Variants in ZNF322 observed in about 807,000 individuals in gnomAD.
ZNF322 encodes the protein zinc finger protein 322, also known as HLA complex group 12.
Under a neutral mutation model 18.3 loss-of-function variants are expected in ZNF322, and 1 was observed. The ratio of observed to expected loss-of-function variants is 0.05; its 90% CI spans 0.02 to 0.26. ZNF322 has a LOEUF of 0.26. Among genes scored for constraint, ZNF322 ranks in the 10% least tolerant of loss-of-function variants. ZNF322 has a pLI of 1.00. For synonymous variants in ZNF322, 17 were observed against 130.7 expected (o/e 0.13, Z 5.93); for missense variants, 36 against 403.6 (o/e 0.09, Z 7.80).
At chr6:26,649,191 T>C (rs1306879318) in intron 2 of ZNF322, among the ~76,000 whole-genome samples, 5 of 152,148 alleles carry the variant, frequency 3.3e-5, no homozygotes, top group Non-Finnish European at 7.3e-5. Flanking sequence ...AAAGACAGAC[T>C]ATGAAGGGTA....
chr6:26,643,405 C>G (rs1765498930), intron 3 of ZNF322, among the ~76,000 whole-genome samples: 1 of 152,180 alleles, frequency 6.6e-6, no homozygotes, highest in Non-Finnish European at 1.5e-5. Flanking sequence ...TCACTTTATT[C>G]AGTTTATTGT....
intron 2 of ZNF322, among the ~76,000 whole-genome samples, chr6:26,655,389 G>A (rs76478402): frequency 0.039 from 5,881 of 152,198 alleles, 129 homozygotes; most frequent in Non-Finnish European, 0.058. Flanking sequence ...GAATATTTAG[G>A]ACAGGCTTTC....
At chr6:26,657,386 C>T (rs1278527346) in intron 2 of ZNF322, among the ~76,000 whole-genome samples, 1 of 152,150 alleles carries the variant, frequency 6.6e-6, no homozygotes. Context: ...AGGCCATCTC[C>T]GAGCTTTTGC....
rs1287203908 is a variant in ZNF322 at position 26,634,709 on chromosome 6, G to C, written c.*2636C>G. On this transcript the variant is annotated 3_prime_UTR_variant, in exon 4 of 4. Transcript: ENST00000415922. ...TTCATACCCCCATAGTTCTCTGTTT[G>C]GGGGATGGTCCATCATTAATTTACT... is the stretch of plus-strand genomic sequence containing the variant. The C allele has an allele frequency of 3.4e-5, 2 of 59,384 alleles. No individual in the cohort carries two copies. Among genetic ancestry groups the C allele is most frequent in the Non-Finnish European group, 6.8e-5 (2 of 29,582 alleles). 3.7% of individuals were successfully genotyped at this position (59,384 alleles called of 1,614,324 possible).
chr6:26,653,244 G>A (rs570093721), intron 2 of ZNF322, among the ~76,000 whole-genome samples: 1 of 152,170 alleles, frequency 6.6e-6, no homozygotes, highest in Non-Finnish European at 1.5e-5. Flanking sequence ...ACACTGTAAG[G>A]AAACAAACAA....
chr6:26,655,606 G>A (rs1184581102), intron 2 of ZNF322, among the ~76,000 whole-genome samples: 3 of 152,198 alleles, frequency 2.0e-5, no homozygotes, highest in Non-Finnish European at 4.4e-5. Flanking sequence ...ATGTATATGT[G>A]TATTGCTATG....
chr6:26,639,729 C>G (rs1379688152), intron 3 of ZNF322, among the ~76,000 whole-genome samples: 1 of 152,118 alleles, frequency 6.6e-6, no homozygotes, highest in Non-Finnish European at 1.5e-5. Context: ...ATGTTTGACC[C>G]TCCCTCATAC....
At chr6:26,649,675 G>GTA (rs71544293) in intron 2 of ZNF322, among the ~76,000 whole-genome samples, 47 of 22,944 alleles carry the variant, frequency 2.0e-3, no homozygotes, top group African/African-American at 7.8e-3. Context: ...GTGTGTGTGT[G>GTA]TATATATATA....
chr6:26,640,149 C>T (rs781868816), intron 3 of ZNF322, among the ~76,000 whole-genome samples: 12 of 152,178 alleles, frequency 7.9e-5, no homozygotes, highest in Non-Finnish European at 1.8e-4. Context: ...GGCTGTTGTC[C>T]CATTTCTCTG....
At chr6:26,649,320 T>C (rs371074035) in intron 2 of ZNF322, among the ~76,000 whole-genome samples, 1 of 140,816 alleles carries the variant, frequency 7.1e-6, no homozygotes, top group Non-Finnish European at 1.6e-5. Flanking sequence ...TAAACACATA[T>C]AGAAATTTAG....
chr6:26,652,600 G>A (rs1178968644), intron 2 of ZNF322, among the ~76,000 whole-genome samples: 1 of 152,034 alleles, frequency 6.6e-6, no homozygotes, highest in Non-Finnish European at 1.5e-5. Context: ...TGAAGAAGGA[G>A]AATCACTTGA....
intron 2 of ZNF322, among the ~76,000 whole-genome samples, chr6:26,650,924 T>C (rs75177596): frequency 6.6e-6 from 1 of 152,172 alleles, no homozygotes; most frequent in East Asian, 1.9e-4. Context: ...GACATACTGA[T>C]ACAAAGTTTA....
At chr6:26,654,261 C>T (rs1302932628) in intron 2 of ZNF322, among the ~76,000 whole-genome samples, 32 of 151,932 alleles carry the variant, frequency 2.1e-4, no homozygotes, top group Admixed American at 2.0e-3. Context: ...AATAAAGAAA[C>T]GTATATATGT....
At chr6:26,653,080 C>T (rs1197294854) in intron 2 of ZNF322, among the ~76,000 whole-genome samples, 1 of 152,106 alleles carries the variant, frequency 6.6e-6, no homozygotes, top group East Asian at 1.9e-4. Context: ...GTTGTCGACA[C>T]TGTAAGGAAA....
intron 2 of ZNF322, among the ~76,000 whole-genome samples, chr6:26,645,280 C>T (rs1765536526): frequency 6.6e-6 from 1 of 152,164 alleles, no homozygotes; most frequent in Non-Finnish European, 1.5e-5. Flanking sequence ...CTATACAAAG[C>T]CCACACTGTC....
chr6:26,659,414 C>T (rs2498351), intron 1 of ZNF322, 27 bp downstream of exon 1: 74,371 of 167,216 alleles, frequency 0.44, 17,027 homozygotes, highest in East Asian at 0.67. Flanking sequence ...ACCCATCCCA[C>T]CCCTGGGCCC....
intron 3 of ZNF322, among the ~76,000 whole-genome samples, chr6:26,642,975 CTGT>C (rs1236911050): frequency 1.3e-5 from 2 of 152,232 alleles, no homozygotes; most frequent in Non-Finnish European, 2.9e-5. Flanking sequence ...TCACCAGCTT[CTGT>C]TGTTACATTC....
intron 3 of ZNF322, among the ~76,000 whole-genome samples, chr6:26,640,023 C>T (rs1369902139): frequency 6.6e-6 from 1 of 152,020 alleles, no homozygotes; most frequent in Non-Finnish European, 1.5e-5. Context: ...CAATTCCACC[C>T]TCCCTCTCCT....
chr6:26,657,638 T>C (rs1258600593), intron 2 of ZNF322, among the ~76,000 whole-genome samples: 2 of 152,164 alleles, frequency 1.3e-5, no homozygotes, highest in Non-Finnish European at 2.9e-5. Flanking sequence ...CTATTAGGGT[T>C]AGGACTTAGT....
Sources: gnomAD v4.1 joint callset for allele counts (sites outside exome capture counted in the v4.1 genomes callset) on GRCh38, gnomAD v4.1.1 for gene constraint, MANE v1.5 for transcripts, NCBI Gene and HGNC (gene_info 2026-07-23, HGNC 2026-07-21) for gene names.